Variants in FSTL4 observed in about 807,000 individuals in gnomAD.
FSTL4 encodes the protein follistatin-related protein 4.
A neutral mutation model predicts 78.2 loss-of-function variants in FSTL4; 28 were observed. That is an observed-to-expected ratio of 0.36 (90% CI 0.27 to 0.49). FSTL4 has a LOEUF of 0.49. FSTL4 is among the 20% of genes least tolerant of loss of function. The pLI is 0.98. For synonymous variants in FSTL4, 422 were observed against 440.5 expected, an observed-to-expected ratio of 0.96 and a Z score of 0.53; for missense variants, 922 against 1,084.9, an observed-to-expected ratio of 0.85 and a Z score of 2.11.
chr5:133,504,907 C>G (rs765762600), intron 3 of FSTL4, among the ~76,000 whole-genome samples: 3 of 152,184 alleles, frequency 2.0e-5, no homozygotes, highest in Non-Finnish European at 4.4e-5. Flanking sequence ...CCTGCTCTCC[C>G]CCTGTGAATA....
chr5:133,371,459 C>T (rs146475503), intron 4 of FSTL4, among the ~76,000 whole-genome samples: 9 of 152,314 alleles, frequency 5.9e-5, no homozygotes, highest in African/African-American at 1.7e-4. Context: ...AGAGGGTCTA[C>T]GGAAAGTGTG....
intron 3 of FSTL4, among the ~76,000 whole-genome samples, chr5:133,408,471 C>T (rs1488862205): frequency 6.6e-6 from 1 of 151,906 alleles, no homozygotes; most frequent in Non-Finnish European, 1.5e-5. Context: ...TGGGAAAGTC[C>T]CCTGGTGGAG....
intron 2 of FSTL4, chr5:133,583,185 C>T: frequency 2.2e-6 from 1 of 449,354 alleles, no homozygotes; most frequent in South Asian, 1.6e-5. Context: ...ACTGGGTTTC[C>T]TGACCCTCCA....
At chr5:133,268,936 T>C (rs6858985) in intron 6 of FSTL4, among the ~76,000 whole-genome samples, 15,109 of 151,642 alleles carry the variant, frequency 0.1, 2,358 homozygotes, top group African/African-American at 0.33. Context: ...AATCCCAGTA[T>C]TTTGGGAGGC....
At chr5:133,295,347 G>A (rs1382676046) in intron 6 of FSTL4, among the ~76,000 whole-genome samples, 7 of 151,952 alleles carry the variant, frequency 4.6e-5, no homozygotes, top group Admixed American at 2.0e-4. Flanking sequence ...ACCTCCCCTC[G>A]CCTACTCAAA....
intron 4 of FSTL4, among the ~76,000 whole-genome samples, chr5:133,386,036 C>T (rs1017183546): frequency 6.6e-6 from 1 of 152,164 alleles, no homozygotes; most frequent in African/African-American, 2.4e-5. Flanking sequence ...TCCTCCTCAC[C>T]GGTTGAGTGG....
At chr5:133,328,009 T>C (rs1469020100) in intron 4 of FSTL4, among the ~76,000 whole-genome samples, 1 of 152,240 alleles carries the variant, frequency 6.6e-6, no homozygotes, top group Non-Finnish European at 1.5e-5. Flanking sequence ...GGAGTGTCCA[T>C]ATTTGTCATC....
the FSTL4 span, among the ~76,000 whole-genome samples, chr5:133,831,721 A>G: frequency 1.3e-5 from 2 of 152,206 alleles, no homozygotes; most frequent in Non-Finnish European, 2.9e-5. Flanking sequence ...CATTATGAAG[A>G]AGTGTGGTTT....
intron 2 of FSTL4, 43 bp downstream of exon 2, chr5:133,603,815 G>C (rs1276001612): frequency 1.3e-6 from 2 of 1,594,676 alleles, no homozygotes; most frequent in East Asian, 2.2e-5. Context: ...ACATCGGAAA[G>C]CAATCAGTTT....
chr5:133,479,756 T>C (rs940856378), intron 3 of FSTL4, among the ~76,000 whole-genome samples: 14 of 152,180 alleles, frequency 9.2e-5, no homozygotes, highest in African/African-American at 2.9e-4. Context: ...AATTAGATTG[T>C]AGTGACAAAC....
intron 13 of FSTL4, among the ~76,000 whole-genome samples, 166 bp from the exon 14 acceptor site, chr5:133,210,464 AG>A (rs1236999960): frequency 1.5e-5 from 2 of 134,628 alleles, no homozygotes; most frequent in Non-Finnish European, 3.1e-5. Flanking sequence ...CTTTTTTCTC[AG>A]AGGCATTATT....
At chr5:133,510,376 T>C (rs1404433454) in intron 3 of FSTL4, among the ~76,000 whole-genome samples, 1 of 152,134 alleles carries the variant, frequency 6.6e-6, no homozygotes, top group Non-Finnish European at 1.5e-5. Context: ...TCCTGCTTAT[T>C]TCTATATAAA....
At chr5:133,629,911 A>G in the FSTL4 span, among the ~76,000 whole-genome samples, 2 of 152,270 alleles carry the variant, frequency 1.3e-5, no homozygotes, top group Non-Finnish European at 2.9e-5. Flanking sequence ...GATTATCTCA[A>G]TAGATGCAGA....
chr5:133,689,247 C>T, the FSTL4 span, among the ~76,000 whole-genome samples: 3 of 152,294 alleles, frequency 2.0e-5, no homozygotes, highest in Middle Eastern at 3.4e-3. Context: ...TCATCTTGGA[C>T]CACTCCCTTC....
chr5:133,703,715 C>G, the FSTL4 span, among the ~76,000 whole-genome samples: 1 of 152,166 alleles, frequency 6.6e-6, no homozygotes, highest in Admixed American at 6.5e-5. Context: ...GATAATGAGA[C>G]GAGGCTCTGC....
At chr5:133,459,209 T>C (rs1035387010) in intron 3 of FSTL4, among the ~76,000 whole-genome samples, 1 of 152,176 alleles carries the variant, frequency 6.6e-6, no homozygotes, top group Non-Finnish European at 1.5e-5. Flanking sequence ...AGGGCACATA[T>C]GTTTATTCTG....
At chr5:133,505,993 A>C (rs1758604841) in intron 3 of FSTL4, among the ~76,000 whole-genome samples, 1 of 152,250 alleles carries the variant, frequency 6.6e-6, no homozygotes, top group Admixed American at 6.5e-5. Flanking sequence ...AATCCCAGAC[A>C]GTGGGCAAGT....
chr5:133,785,596 C>T, the FSTL4 span, among the ~76,000 whole-genome samples: 1 of 152,090 alleles, frequency 6.6e-6, no homozygotes, highest in African/African-American at 2.4e-5. Flanking sequence ...ATAAAATAGA[C>T]TTAGTATGTG....
the FSTL4 span, among the ~76,000 whole-genome samples, chr5:133,662,598 T>C: frequency 6.6e-6 from 1 of 152,226 alleles, no homozygotes; most frequent in African/African-American, 2.4e-5. Flanking sequence ...TCCTGCCTTT[T>C]GGAAACACTG....
Sources: gnomAD v4.1 joint callset for allele counts (sites outside exome capture counted in the v4.1 genomes callset) on GRCh38, gnomAD v4.1.1 for gene constraint, MANE v1.5 for transcripts, NCBI Gene and HGNC (gene_info 2026-07-23, HGNC 2026-07-21) for gene names.